Variants in TES observed in about 807,000 individuals in gnomAD.
TES encodes the protein testin.
Under a neutral mutation model 48.2 loss-of-function variants are expected in TES, and 41 were observed. That is an observed-to-expected ratio of 0.85 (90% confidence interval 0.66 to 1.10). TES has a LOEUF of 1.10. TES is among the 50% of genes least tolerant of loss of function. The pLI is 0.00. For synonymous variants in TES, 162 were observed against 174.9 expected, an observed-to-expected ratio of 0.93 and a Z score of 0.58; for missense variants, 463 against 515.1, an observed-to-expected ratio of 0.90 and a Z score of 0.98.
At chr7:116,216,795 G>A (rs1194442698) in intron 1 of TES, among the ~76,000 whole-genome samples, 1 of 151,938 alleles carries the variant, frequency 6.6e-6, no homozygotes, top group African/African-American at 2.4e-5. Flanking sequence ...GTAGTATAAG[G>A]CTCTGAAGGC....
At chr7:116,256,318 C>T (rs1251990415) in intron 6 of TES, among the ~76,000 whole-genome samples, 1 of 152,172 alleles carries the variant, frequency 6.6e-6, no homozygotes, top group Non-Finnish European at 1.5e-5. Flanking sequence ...ACCCCTTATC[C>T]CTCAGTAATT....
At chr7:116,246,946 C>CTTTTTTTTTTTTTTTTTTTTT (rs148032626) in intron 2 of TES, among the ~76,000 whole-genome samples, 2 of 131,046 alleles carry the variant, frequency 1.5e-5, no homozygotes, top group Non-Finnish European at 3.2e-5. Flanking sequence ...AGACTAGGCC[C>CTTTTTTTTTTTTTTTTTTTTT]CTTTTTTTTT....
intron 6 of TES, among the ~76,000 whole-genome samples, chr7:116,253,565 G>T (rs1234310971): frequency 6.6e-6 from 1 of 151,952 alleles, no homozygotes; most frequent in African/African-American, 2.4e-5. Flanking sequence ...GATAGATCTG[G>T]CCCCTTCTTG....
At chr7:116,227,268 C>T (rs1321569951) in intron 1 of TES, among the ~76,000 whole-genome samples, 1 of 151,566 alleles carries the variant, frequency 6.6e-6, no homozygotes, top group African/African-American at 2.4e-5. Context: ...AGGCATCTAT[C>T]ACCGCGCCCG....
At position 116,217,838 on chromosome 7, in the gene TES, A is replaced by G. The variant is rs974338030; in HGVS notation, c.27+7104A>G. On this transcript the variant is annotated intron_variant, in intron 1 of 6. Transcript: ENST00000358204. ...CTCTCCTACAAAAGAGCTGCCATTT[A>G]GCATGGTTTTGTCAATTTTCAGTTC... 3.7e-5 allele frequency: 19 copies of G among 516,894 alleles called. No homozygotes were observed. The Middle Eastern group carries it at 4.1e-3, about 112-fold the overall frequency. 32.0% of individuals were successfully genotyped at this position (516,894 alleles called of 1,614,324 possible).
At position 116,249,384 on chromosome 7, in the gene TES, C is replaced by A. The variant is rs749094689; in HGVS notation, c.366+112C>A. The stretch of plus-strand genomic sequence containing the variant: ...ACACATCCCAGATCTGTTATTCTTC[C>A]GGGGTTCTCATTACTTTGACTTCTG... On this transcript the variant is annotated intron_variant, in intron 3 of 6. Transcript: ENST00000358204. The A allele has an allele frequency of 4.7e-6, 6 of 1,267,774 alleles. No homozygotes were observed. In the Admixed American group the frequency reaches 1.0e-4, roughly 22 times the overall value. The allele number at this position is 1,267,774 out of a possible 1,614,324, so 78.5% of individuals were successfully genotyped here.
chr7:116,252,081 A>G, intron 5 of TES, 106 bp downstream of exon 5: 1 of 1,195,458 alleles, frequency 8.4e-7, no homozygotes, highest in South Asian at 1.4e-5. Context: ...TGCTCTGTTT[A>G]CATCCAAAGA....
At chr7:116,226,142 A>G (rs757848784) in intron 1 of TES, among the ~76,000 whole-genome samples, 6 of 152,226 alleles carry the variant, frequency 3.9e-5, no homozygotes, top group African/African-American at 1.2e-4. Context: ...TGGGATAAAG[A>G]TATGTTATGA....
chr7:116,253,965 T>C (rs77034574), intron 6 of TES, among the ~76,000 whole-genome samples: 7,977 of 152,170 alleles, frequency 0.052, 259 homozygotes, highest in Non-Finnish European at 0.081. Flanking sequence ...ATATCTTCAG[T>C]GTCAGCACTT....
intron 1 of TES, among the ~76,000 whole-genome samples, chr7:116,226,385 G>C (rs552452623): frequency 6.6e-6 from 1 of 152,256 alleles, no homozygotes; most frequent in South Asian, 2.1e-4. Context: ...CATTAGAATT[G>C]AGTCTGTGGG....
rs556933695 is a variant in TES, at chr7:116,233,066, A to G, written c.28-1468A>G. Among the ~76,000 whole-genome samples, 41 of 152,354 alleles carry G rather than the reference A, an allele frequency of 2.7e-4. No individual in the cohort carries two copies. The South Asian group carries it at 8.3e-3, about 31-fold the overall frequency. On this transcript the variant is annotated intron_variant, in intron 1 of 6. Transcript: ENST00000358204. The stretch of plus-strand genomic sequence containing the variant: ...ACAATGTGGTTTTGATTGCATAGTG[A>G]CAAACACAGCTTGGTAAAGTTACAA...
intron 2 of TES, among the ~76,000 whole-genome samples, chr7:116,247,875 G>T (rs902804004): frequency 6.6e-6 from 1 of 152,124 alleles, no homozygotes; most frequent in Non-Finnish European, 1.5e-5. Flanking sequence ...TGGGTAAATT[G>T]CATGTTACTG....
chr7:116,245,252 C>A (rs1478326236), intron 2 of TES, among the ~76,000 whole-genome samples: 1 of 152,044 alleles, frequency 6.6e-6, no homozygotes, highest in Non-Finnish European at 1.5e-5. Context: ...AAACTTTTAT[C>A]CTCCGTCACC....
rs1799442936 is a variant in TES, at chr7:116,211,881, G to C, written c.27+1147G>C. ...GGAAGCTATTGACCAATAAAAACTC[G>C]AAATGAGAAAACAGTTTTTTTCATT... On this transcript the variant is annotated intron_variant, in intron 1 of 6. Transcript: ENST00000358204. Among the ~76,000 whole-genome samples, 3 of 152,126 alleles carry C rather than the reference G, an allele frequency of 2.0e-5. No individual in the cohort carries two copies. The South Asian group carries it at 6.2e-4, about 32-fold the overall frequency.
intron 2 of TES, among the ~76,000 whole-genome samples, chr7:116,242,674 G>A (rs1002801498): frequency 6.6e-6 from 1 of 151,798 alleles, no homozygotes; most frequent in Non-Finnish European, 1.5e-5. Context: ...GATACATTTG[G>A]GTTTTTAGTT....
chr7:116,234,699 G>GA, intron 2 of TES, 80 bp downstream of exon 2: 2 of 1,159,738 alleles, frequency 1.7e-6, no homozygotes, highest in Non-Finnish European at 2.6e-6. Flanking sequence ...ATATCTTCGA[G>GA]TTCTCCAGCA....
chr7:116,228,998 C>CTATATATATATATATATATA (rs58514364), intron 1 of TES, among the ~76,000 whole-genome samples: 22 of 110,116 alleles, frequency 2.0e-4, no homozygotes, highest in African/African-American at 4.5e-4. Flanking sequence ...GTATCTATAA[C>CTATATATATATATATATATA]TATATATATA....
chr7:116,243,666 A>G (rs998618247), intron 2 of TES, among the ~76,000 whole-genome samples: 1 of 152,150 alleles, frequency 6.6e-6, no homozygotes, highest in African/African-American at 2.4e-5. Flanking sequence ...CATACTGCAA[A>G]ACTGTTCATC....
rs1366951782 is a variant in TES at position 116,249,041 on chromosome 7, G to A, written c.135G>A (p.Lys45=). The change falls in exon 3 of 7, where the codon AAG becomes AAA. Residue 45 remains lysine, a synonymous_variant. Coordinates refer to ENST00000358204, the MANE Select transcript of TES (RefSeq NM_015641.4). ...ATAGAAAAATATGTCGTAACTGCAA[G>A]TGTGGCCAAGAAGAGCATGATGTCC... is the stretch of plus-strand genomic sequence containing the variant. ...HFWRKICRNC[K]CGQEEHDVLL... 1 of 1,602,740 alleles carries A rather than the reference G, an allele frequency of 6.2e-7. No homozygotes were observed. Among genetic ancestry groups the A allele is most frequent in the African/African-American group, 1.3e-5 (1 of 74,392 alleles).
Sources: gnomAD v4.1 joint callset for allele counts (sites outside exome capture counted in the v4.1 genomes callset) on GRCh38, gnomAD v4.1.1 for gene constraint, MANE v1.5 for transcripts, NCBI Gene and HGNC (gene_info 2026-07-23, HGNC 2026-07-21) for gene names.